The following ARHGAP26 variants were observed in gnomAD, a reference collection of about 807,000 sequenced individuals.
ARHGAP26 encodes the protein Rho GTPase activating protein 26.
In ARHGAP26, 38 loss-of-function variants were observed where a neutral mutation model predicts 104.8. The observed-to-expected ratio is 0.36, with a 90% CI of 0.28 to 0.48. The LOEUF is 0.48. ARHGAP26 is among the 20% of genes least tolerant of loss of function. The pLI is 0.99. For missense variants in ARHGAP26, 704 were observed against 947.9 expected (o/e 0.74, Z 3.38); for synonymous variants, 341 against 340.0 (o/e 1.00, Z -0.03).
intron 20 of ARHGAP26, among the ~76,000 whole-genome samples, chr5:143,198,068 G>A (rs1033717693): frequency 2.6e-5 from 4 of 152,192 alleles, no homozygotes; most frequent in Non-Finnish European, 5.9e-5. Context: ...TTTAAACAGT[G>A]GCTTTAGATT....
At chr5:143,134,508 A>C (rs1454157782) in intron 19 of ARHGAP26, among the ~76,000 whole-genome samples, 1 of 152,152 alleles carries the variant, frequency 6.6e-6, no homozygotes, top group Non-Finnish European at 1.5e-5. Flanking sequence ...CACATGCCCT[A>C]CTAGAATGTG....
intron 1 of ARHGAP26, among the ~76,000 whole-genome samples, chr5:142,841,348 T>G (rs1770757282): frequency 1.3e-5 from 2 of 152,212 alleles, no homozygotes; most frequent in Non-Finnish European, 2.9e-5. Context: ...GTTTCAAGTC[T>G]CACGGTGCTA....
At chr5:142,828,507 G>A (rs987956533) in intron 1 of ARHGAP26, among the ~76,000 whole-genome samples, 1 of 152,208 alleles carries the variant, frequency 6.6e-6, no homozygotes, top group Non-Finnish European at 1.5e-5. Flanking sequence ...CATGGAGAAG[G>A]AAATTAACAA....
intron 21 of ARHGAP26, among the ~76,000 whole-genome samples, chr5:143,208,174 T>C (rs1056253426): frequency 1.4e-5 from 2 of 147,062 alleles, no homozygotes; most frequent in Non-Finnish European, 3.0e-5. Flanking sequence ...TTTTTGCTCT[T>C]GTGCTCTTTG....
chr5:143,069,880 C>A (rs1253299815), intron 17 of ARHGAP26, among the ~76,000 whole-genome samples: 1 of 152,120 alleles, frequency 6.6e-6, no homozygotes, highest in African/African-American at 2.4e-5. Flanking sequence ...AGATATTTTC[C>A]TAATACTTGG....
chr5:142,938,777 G>A (rs1305762339), intron 11 of ARHGAP26, among the ~76,000 whole-genome samples: 1 of 152,152 alleles, frequency 6.6e-6, no homozygotes. Context: ...GTGATTAGTG[G>A]TGTCTTTCTG....
chr5:143,043,082 C>G (rs1783711693), intron 14 of ARHGAP26, among the ~76,000 whole-genome samples: 1 of 152,194 alleles, frequency 6.6e-6, no homozygotes, highest in African/African-American at 2.4e-5. Context: ...TAACATCTTG[C>G]AAAACACAAT....
At chr5:142,826,908 A>T in intron 1 of ARHGAP26, among the ~76,000 whole-genome samples, 1 of 151,962 alleles carries the variant, frequency 6.6e-6, no homozygotes, top group African/African-American at 2.4e-5. Context: ...AAAAGCCAAC[A>T]TTTTTCTGGG....
At chr5:143,003,884 A>T (rs557434412) in intron 11 of ARHGAP26, among the ~76,000 whole-genome samples, 1 of 152,344 alleles carries the variant, frequency 6.6e-6, no homozygotes, top group East Asian at 1.9e-4. Context: ...GTGACAAAAT[A>T]AAAACTTCAT....
chr5:143,010,519 T>G (rs940933948), intron 11 of ARHGAP26, among the ~76,000 whole-genome samples: 6 of 152,232 alleles, frequency 3.9e-5, no homozygotes, highest in Admixed American at 6.5e-5. Context: ...CTGGGCCTTC[T>G]TTGTTGGGCC....
intron 1 of ARHGAP26, among the ~76,000 whole-genome samples, chr5:142,797,098 C>G (rs1761127268): frequency 6.6e-6 from 1 of 152,216 alleles, no homozygotes; most frequent in Non-Finnish European, 1.5e-5. Flanking sequence ...TGGGAAGTCA[C>G]TGTAAGTTTT....
intron 17 of ARHGAP26, chr5:143,103,177 GC>G: frequency 1.1e-6 from 1 of 951,582 alleles, no homozygotes; most frequent in Non-Finnish European, 1.3e-6. Flanking sequence ...CTTTTGATTT[GC>G]TTTGCTGCAG....
chr5:143,205,492 A>AT (rs1346637240), intron 20 of ARHGAP26, among the ~76,000 whole-genome samples: 1 of 152,188 alleles, frequency 6.6e-6, no homozygotes, highest in Non-Finnish European at 1.5e-5. Context: ...CTGTATTGTC[A>AT]TTTTCCCTTG....
chr5:143,211,578 CTT>C (rs71741022), intron 21 of ARHGAP26, among the ~76,000 whole-genome samples: 228 of 143,836 alleles, frequency 1.6e-3, no homozygotes, highest in Non-Finnish European at 2.6e-3. Flanking sequence ...TACCTACTTA[CTT>C]TTTTTTTTTT....
intron 15 of ARHGAP26, among the ~76,000 whole-genome samples, 187 bp from the exon 16 acceptor site, chr5:143,055,839 AAG>A (rs1277947733): frequency 6.6e-6 from 1 of 152,208 alleles, no homozygotes; most frequent in African/African-American, 2.4e-5. Context: ...TCATTTAAGA[AAG>A]AGAGAGAATA....
intron 12 of ARHGAP26, among the ~76,000 whole-genome samples, chr5:143,022,931 G>T (rs1265947903): frequency 1.3e-5 from 2 of 152,208 alleles, no homozygotes; most frequent in Non-Finnish European, 2.9e-5. Flanking sequence ...TTCATCATCA[G>T]ACTCCAACAT....
chr5:142,930,789 A>G (rs1416035756), intron 10 of ARHGAP26, among the ~76,000 whole-genome samples: 2 of 152,164 alleles, frequency 1.3e-5, no homozygotes, highest in Non-Finnish European at 2.9e-5. Context: ...ATGTCAAGGA[A>G]TGGTTAATGA....
intron 19 of ARHGAP26, among the ~76,000 whole-genome samples, chr5:143,139,021 C>T (rs913043377): frequency 5.3e-5 from 8 of 152,044 alleles, no homozygotes; most frequent in Non-Finnish European, 7.4e-5. Context: ...TGACCTAGTC[C>T]GCGAACTCTT....
intron 12 of ARHGAP26, among the ~76,000 whole-genome samples, chr5:143,020,883 G>T (rs1041517613): frequency 2.0e-5 from 3 of 151,802 alleles, no homozygotes; most frequent in Non-Finnish European, 2.9e-5. Flanking sequence ...CTCATGATCC[G>T]CCCATCTCGG....
Sources: gnomAD v4.1 joint callset for allele counts (sites outside exome capture counted in the v4.1 genomes callset) on GRCh38, gnomAD v4.1.1 for gene constraint, MANE v1.5 for transcripts, NCBI Gene and HGNC (gene_info 2026-07-23, HGNC 2026-07-21) for gene names.